The following RNF216 variants were observed in gnomAD, a reference collection of about 807,000 sequenced individuals.
RNF216 encodes the protein ring finger protein 216.
In RNF216, 72 loss-of-function variants were observed where a neutral mutation model predicts 110.8. The ratio of observed to expected loss-of-function variants is 0.65; its 90% CI spans 0.54 to 0.79. RNF216 has a LOEUF of 0.79. Among genes scored for constraint, RNF216 ranks in the 30% least tolerant of loss-of-function variants. The pLI, the probability that RNF216 is intolerant of heterozygous loss-of-function variation, is 0.00. For synonymous variants in RNF216, 495 were observed against 407.5 expected (o/e 1.21, Z -2.59); for missense variants, 1,342 against 1,141.2 (o/e 1.18, Z -2.54).
chr7:5,690,127 A>C (rs1310853396), intron 13 of RNF216, among the ~76,000 whole-genome samples: 1 of 151,796 alleles, frequency 6.6e-6, no homozygotes, highest in Admixed American at 6.5e-5. Flanking sequence ...TCAGGAGTTT[A>C]AGACCAGCCT....
chr7:5,643,112 A>C (rs772862807), intron 14 of RNF216, among the ~76,000 whole-genome samples: 11 of 152,202 alleles, frequency 7.2e-5, no homozygotes, highest in African/African-American at 1.4e-4. Context: ...GGACAGAGGA[A>C]TACATAAAGC....
intron 1 of RNF216, among the ~76,000 whole-genome samples, chr7:5,773,234 TC>T (rs748976135): frequency 6.6e-5 from 10 of 151,988 alleles, no homozygotes; most frequent in Admixed American, 1.3e-4. Context: ...TCCTTTTTTT[TC>T]CCCAAATAAG....
intron 1 of RNF216, among the ~76,000 whole-genome samples, chr7:5,767,753 C>T (rs1030474103): frequency 3.9e-5 from 6 of 152,116 alleles, no homozygotes; most frequent in Admixed American, 2.6e-4. Flanking sequence ...CACACGCCAC[C>T]ATGCCCAGCT....
intron 5 of RNF216, among the ~76,000 whole-genome samples, chr7:5,737,357 C>T (rs369443623): frequency 6.6e-6 from 1 of 152,124 alleles, no homozygotes; most frequent in Non-Finnish European, 1.5e-5. Flanking sequence ...ACTCCCTAAT[C>T]TCAAGTACCC....
At chr7:5,739,680 G>C (rs948923868) in intron 4 of RNF216, 16 of 471,044 alleles carry the variant, frequency 3.4e-5, no homozygotes, top group Non-Finnish European at 6.3e-5. Context: ...CAGCCCTCAA[G>C]CAGCACACAA....
intron 2 of RNF216, among the ~76,000 whole-genome samples, chr7:5,755,197 G>A (rs1285078553): frequency 7.8e-6 from 1 of 128,920 alleles, no homozygotes; most frequent in Admixed American, 8.4e-5. Flanking sequence ...AGGAAGGAAG[G>A]AAGGGAGGGA....
intron 8 of RNF216, among the ~76,000 whole-genome samples, chr7:5,721,993 G>C (rs1793456571): frequency 6.6e-6 from 1 of 152,206 alleles, no homozygotes; most frequent in Non-Finnish European, 1.5e-5. Context: ...CACATTCACA[G>C]ATCACTGCAG....
chr7:5,762,262 C>A (rs1444375533), intron 1 of RNF216, among the ~76,000 whole-genome samples: 1 of 152,024 alleles, frequency 6.6e-6, no homozygotes, highest in South Asian at 2.1e-4. Flanking sequence ...GTGGCTCACA[C>A]CTGTAATCCC....
intron 13 of RNF216, 54 bp from the exon 14 acceptor site, chr7:5,652,564 A>G: frequency 8.4e-7 from 1 of 1,185,286 alleles, no homozygotes; most frequent in South Asian, 1.2e-5. Flanking sequence ...ACACCACAGA[A>G]GTTCCTGTTC....
chr7:5,770,023 T>A (rs1319414310), intron 1 of RNF216, among the ~76,000 whole-genome samples: 2 of 10,680 alleles, frequency 1.9e-4, no homozygotes, highest in Non-Finnish European at 3.0e-4. Flanking sequence ...GAGACCCATC[T>A]CAAAAAAAAA....
chr7:5,762,597 C>T (rs1795990982), intron 1 of RNF216, among the ~76,000 whole-genome samples: 2 of 151,832 alleles, frequency 1.3e-5, no homozygotes, highest in South Asian at 4.2e-4. Context: ...GAAGCTAAGG[C>T]AGGAGAATGG....
chr7:5,658,793 ACAT>A (rs1238132323), intron 13 of RNF216, among the ~76,000 whole-genome samples: 3 of 152,220 alleles, frequency 2.0e-5, no homozygotes, highest in Non-Finnish European at 4.4e-5. Flanking sequence ...ACAGTAGCAC[ACAT>A]GTAACGTACA....
intron 1 of RNF216, among the ~76,000 whole-genome samples, chr7:5,778,753 ATTATTT>A (rs1210177008): frequency 3.3e-5 from 5 of 152,030 alleles, no homozygotes; most frequent in Non-Finnish European, 7.4e-5. Flanking sequence ...TAAAATTATT[ATTATTT>A]TTGAGACGGA....
rs1258821955 is a variant in RNF216 at position 5,652,521 on chromosome 7, AG to A, written c.2062-12del. The A allele has an allele frequency of 1.3e-6, 2 of 1,590,592 alleles. No individual in the cohort carries two copies. Among genetic ancestry groups the A allele is most frequent in the Admixed American group, 1.7e-5 (1 of 59,978 alleles). ...CTTCCTACAGGTTTCCTGGGGATAA[AG>A]GACAGACACAAAGACAACTCCTGGT... is the stretch of plus-strand genomic sequence containing the variant. On this transcript the variant is annotated splice_polypyrimidine_tract_variant and intron_variant, in intron 13 of 16. Transcript: ENST00000389902.
chr7:5,666,814 C>CGT (rs1789559740), intron 13 of RNF216: 1 of 135,566 alleles, frequency 7.4e-6, no homozygotes, highest in African/African-American at 2.8e-5. Context: ...ACAGCAATGA[C>CGT]TTTTTTTTTT....
intron 15 of RNF216, 23 bp downstream of exon 15, chr7:5,641,131 T>C (rs575001652): frequency 3.9e-6 from 6 of 1,526,076 alleles, no homozygotes; most frequent in African/African-American, 2.7e-5. Context: ...TATAAAGCAA[T>C]AGGCAGCCAT....
At chr7:5,702,703 A>G (rs748369886) in intron 13 of RNF216, among the ~76,000 whole-genome samples, 26 of 152,248 alleles carry the variant, frequency 1.7e-4, no homozygotes, top group Non-Finnish European at 3.4e-4. Context: ...GAAGTCTGTG[A>G]TGAATAGATT....
chr7:5,731,071 T>C (rs547669309), intron 5 of RNF216, among the ~76,000 whole-genome samples: 10 of 152,346 alleles, frequency 6.6e-5, no homozygotes, highest in Admixed American at 5.2e-4. Flanking sequence ...CTGAAGTTTA[T>C]GTATCAATTG....
intron 16 of RNF216, 93 bp from the exon 17 acceptor site, chr7:5,623,272 A>G: frequency 8.5e-7 from 1 of 1,183,178 alleles, no homozygotes; most frequent in Non-Finnish European, 1.2e-6. Context: ...TGGACACGGG[A>G]GTGGCTCCAC....
Sources: gnomAD v4.1 joint callset for allele counts (sites outside exome capture counted in the v4.1 genomes callset) on GRCh38, gnomAD v4.1.1 for gene constraint, MANE v1.5 for transcripts, NCBI Gene and HGNC (gene_info 2026-07-23, HGNC 2026-07-21) for gene names.